The following PIP4K2A variants were observed in gnomAD, a reference collection of about 807,000 sequenced individuals.
The protein encoded by PIP4K2A is phosphatidylinositol-5-phosphate 4-kinase type 2 alpha.
In PIP4K2A, 14 loss-of-function variants were observed where a neutral mutation model predicts 42.9. The ratio of observed to expected loss-of-function variants is 0.33; its 90% confidence interval spans 0.22 to 0.51. The LOEUF (loss-of-function observed/expected upper bound fraction) is 0.51, where lower values mean the gene tolerates loss of function less well. Among genes scored for constraint, PIP4K2A ranks in the 20% least tolerant of loss-of-function variants. PIP4K2A has a pLI of 0.97. For missense variants in PIP4K2A, 434 were observed against 519.8 expected, an observed-to-expected ratio of 0.83 and a Z score of 1.61; for synonymous variants, 192 against 192.2, an observed-to-expected ratio of 1.00 and a Z score of 0.01.
intron 1 of PIP4K2A, among the ~76,000 whole-genome samples, chr10:22,713,516 G>C (rs1227815524): frequency 6.6e-6 from 1 of 152,242 alleles, no homozygotes; most frequent in African/African-American, 2.4e-5. Flanking sequence ...AGGGCGATGC[G>C]GGAGAAGCGC....
chr10:22,605,637 A>G (rs966285948), intron 3 of PIP4K2A, among the ~76,000 whole-genome samples: 4 of 152,208 alleles, frequency 2.6e-5, no homozygotes, highest in African/African-American at 9.7e-5. Context: ...TTCAATAATG[A>G]ATTGAGGAAT....
At chr10:22,696,651 G>A (rs527535234) in intron 1 of PIP4K2A, among the ~76,000 whole-genome samples, 1 of 152,224 alleles carries the variant, frequency 6.6e-6, no homozygotes, top group Non-Finnish European at 1.5e-5. Flanking sequence ...TTATTTTGAA[G>A]TTAATGAAAA....
chr10:22,664,076 C>CAT lies in PIP4K2A; in HGVS notation c.144+50106_144+50107insAT, dbSNP rs1564459808. ...ATGTATATATACATATATATATATACGTATATATATATACATATATATATA... is the reference window on the plus strand; with the variant it reads ...ATGTATATATACATATATATATATACATGTATATATATATACATATATATATA... On this transcript the variant is annotated intron_variant, in intron 1 of 9. Coordinates refer to ENST00000376573, the MANE Select transcript of PIP4K2A (RefSeq NM_005028.5). Among the ~76,000 whole-genome samples, 67 of 54,826 alleles carry CAT rather than the reference C, an allele frequency of 1.2e-3. 3 individuals carry two copies. The highest frequency in any genetic ancestry group is 0.011 in the African/African-American group (61 of 5,436). 36.0% of individuals were successfully genotyped at this position (54,826 alleles called of 152,430 possible).
chr10:22,539,773 A>T, intron 9 of PIP4K2A, 198 bp downstream of exon 9: 1 of 592,878 alleles, frequency 1.7e-6, no homozygotes, highest in East Asian at 2.8e-5. Flanking sequence ...CGCTCAGAAC[A>T]TGACTTGCCC....
At chr10:22,570,245 T>C (rs886691308) in intron 5 of PIP4K2A, among the ~76,000 whole-genome samples, 1 of 152,216 alleles carries the variant, frequency 6.6e-6, no homozygotes, top group East Asian at 1.9e-4. Context: ...TCCCTGCAAA[T>C]GTAGGTAAAA....
intron 1 of PIP4K2A, among the ~76,000 whole-genome samples, chr10:22,657,182 A>T (rs1839117693): frequency 6.6e-6 from 1 of 152,230 alleles, no homozygotes; most frequent in South Asian, 2.1e-4. Flanking sequence ...CAATTGGAAC[A>T]GAACATTCTC....
chr10:22,537,081 A>AAAC lies in PIP4K2A; in HGVS notation c.*117_*119dup. On this transcript the variant is annotated 3_prime_UTR_variant, in exon 10 of 10. Transcript: ENST00000376573. ...ATCAGTCATCTTGGCCTGAAGATGT[A>AAAC]AACAAGGAGGTTTGCTTCCTGCAAG... 1.4e-6 allele frequency: 1 copy of AAAC among 716,372 alleles called. No individual in the cohort carries two copies. Among genetic ancestry groups the AAAC allele is most frequent in the Non-Finnish European group, 2.4e-6 (1 of 418,990 alleles). The allele number at this position is 716,372 out of a possible 1,614,324, so 44.4% of individuals were successfully genotyped here.
chr10:22,652,435 T>C (rs1839015238), intron 1 of PIP4K2A, among the ~76,000 whole-genome samples: 1 of 152,146 alleles, frequency 6.6e-6, no homozygotes, highest in African/African-American at 2.4e-5. Context: ...TTTTTAACTA[T>C]CCACTTTAGC....
chr10:22,709,098 T>C (rs1336665007), intron 1 of PIP4K2A, among the ~76,000 whole-genome samples: 1 of 151,820 alleles, frequency 6.6e-6, no homozygotes, highest in Non-Finnish European at 1.5e-5. Context: ...AGAGCCTAAT[T>C]TAGCAGACTT....
intron 3 of PIP4K2A, among the ~76,000 whole-genome samples, chr10:22,606,152 A>G (rs1420284159): frequency 6.6e-6 from 1 of 151,366 alleles, no homozygotes; most frequent in Non-Finnish European, 1.5e-5. Context: ...TACCAAAAAA[A>G]AAAAAAAAAT....
intron 1 of PIP4K2A, among the ~76,000 whole-genome samples, chr10:22,675,182 ACATTTGTATTCATGTAAGAGTGGAGATAG>A (rs1839534481): frequency 6.6e-6 from 1 of 152,232 alleles, no homozygotes; most frequent in Non-Finnish European, 1.5e-5. Flanking sequence ...AAAATTGGGA[ACATTTGTATTCATGTAAGAGTGGAGATAG>A]TAGCAAGCAA....
intron 7 of PIP4K2A, among the ~76,000 whole-genome samples, chr10:22,548,713 G>A (rs1333630920): frequency 6.6e-6 from 1 of 152,188 alleles, no homozygotes; most frequent in African/African-American, 2.4e-5. Flanking sequence ...AATGTTAGAA[G>A]AGAAAAGCAA....
intron 1 of PIP4K2A, among the ~76,000 whole-genome samples, chr10:22,695,383 G>A (rs1197127097): frequency 6.6e-6 from 1 of 152,092 alleles, no homozygotes; most frequent in Non-Finnish European, 1.5e-5. Context: ...TTGGATACCT[G>A]TAGGTAAATT....
chr10:22,585,969 G>GA lies in PIP4K2A; in HGVS notation c.492+5659dup, dbSNP rs34423770. Among the ~76,000 whole-genome samples the GA allele has an allele frequency of 1.1e-4, 16 of 150,456 alleles. No individual in the cohort carries two copies. In the East Asian group the frequency reaches 1.6e-3, roughly 15 times the overall value. On this transcript the variant is annotated intron_variant, in intron 4 of 9. Transcript: ENST00000376573. Reference sequence around the variant, plus strand: ...CCCAATGAATTCACGTCAGTGCGGGGAAAAAAAAAATTCAGTCGATTTAAG... The same window carrying GA: ...CCCAATGAATTCACGTCAGTGCGGGGAAAAAAAAAAATTCAGTCGATTTAAG...
chr10:22,645,077 T>C (rs1838852746), intron 1 of PIP4K2A, among the ~76,000 whole-genome samples: 1 of 152,204 alleles, frequency 6.6e-6, no homozygotes, highest in Non-Finnish European at 1.5e-5. Flanking sequence ...CAAATCACTA[T>C]AATTGGTCAG....
At chr10:22,569,133 T>C (rs1484380167) in intron 5 of PIP4K2A, 1 of 1,039,962 alleles carries the variant, frequency 9.6e-7, no homozygotes, top group Non-Finnish European at 1.4e-6. Context: ...CTTCCTGCAA[T>C]TCACAGATGC....
chr10:22,551,542 T>A (rs1399288219), intron 6 of PIP4K2A, among the ~76,000 whole-genome samples: 3 of 152,244 alleles, frequency 2.0e-5, no homozygotes. Context: ...GTAGCTTGTA[T>A]TGCAGCAAAC....
chr10:22,646,425 G>T (rs1838882955), intron 1 of PIP4K2A, among the ~76,000 whole-genome samples: 2 of 152,156 alleles, frequency 1.3e-5, no homozygotes, highest in Non-Finnish European at 2.9e-5. Flanking sequence ...AGCTCTGACA[G>T]CTCATTTCGT....
At chr10:22,600,446 T>C (rs542885776) in intron 3 of PIP4K2A, among the ~76,000 whole-genome samples, 48 of 152,208 alleles carry the variant, frequency 3.2e-4, no homozygotes, top group African/African-American at 1.1e-3. Flanking sequence ...TGTGTCCCTC[T>C]CCTCATGTTA....
Sources: allele counts gnomAD v4.1 joint callset (sites outside exome capture counted in the v4.1 genomes callset), GRCh38; gene constraint gnomAD v4.1.1; transcripts MANE v1.5; gene names NCBI Gene and HGNC (gene_info 2026-07-23, HGNC 2026-07-21).